CD86: variants seen among roughly 807,000 people sequenced by gnomAD.
CD86 encodes T-lymphocyte activation antigen CD86.
Under a neutral mutation model 32.1 loss-of-function variants are expected in CD86, and 11 were observed. The observed-to-expected ratio is 0.34, with a 90% CI of 0.22 to 0.57. The LOEUF is 0.57. CD86 is among the 20% of genes least tolerant of loss of function. The pLI is 0.86. For missense variants in CD86, 359 were observed against 398.4 expected (o/e 0.90, Z 0.84); for synonymous variants, 137 against 135.3 (o/e 1.01, Z -0.09).
intron 5 of CD86, among the ~76,000 whole-genome samples, chr3:122,117,361 A>G (rs1406338849): frequency 6.6e-6 from 1 of 152,246 alleles, no homozygotes; most frequent in East Asian, 1.9e-4. Flanking sequence ...TGCTCTATTT[A>G]GTAAAGACAG....
At chr3:122,072,121 G>A (rs939491556) in intron 1 of CD86, among the ~76,000 whole-genome samples, 4 of 150,114 alleles carry the variant, frequency 2.7e-5, no homozygotes, top group Admixed American at 2.7e-4. Flanking sequence ...TCTTAATCCA[G>A]TCTATCATTG....
chr3:122,102,483 C>T (rs971114243), intron 2 of CD86, among the ~76,000 whole-genome samples: 7 of 148,584 alleles, frequency 4.7e-5, no homozygotes, highest in Admixed American at 2.0e-4. Context: ...ACACAAACCC[C>T]GTGATCATTC....
intron 1 of CD86, among the ~76,000 whole-genome samples, chr3:122,063,499 A>T (rs2072367670): frequency 6.6e-6 from 1 of 152,202 alleles, no homozygotes; most frequent in Non-Finnish European, 1.5e-5. Context: ...AAGACAACAT[A>T]AGGCTACATA....
intron 1 of CD86, among the ~76,000 whole-genome samples, chr3:122,078,527 G>C (rs1029211693): frequency 6.6e-6 from 1 of 152,052 alleles, no homozygotes; most frequent in African/African-American, 2.4e-5. Flanking sequence ...TCCCTTCTCT[G>C]GTCCAGAGAC....
chr3:122,095,804 T>A (rs1343228617), intron 2 of CD86, among the ~76,000 whole-genome samples: 2 of 152,118 alleles, frequency 1.3e-5, no homozygotes, highest in Non-Finnish European at 2.9e-5. Context: ...GTTGATTGTT[T>A]CAGGAGGGCT....
chr3:122,105,107 T>G (rs1452736613), intron 3 of CD86, among the ~76,000 whole-genome samples: 2 of 152,360 alleles, frequency 1.3e-5, no homozygotes, highest in South Asian at 2.1e-4. Context: ...GCTTTAGGAA[T>G]AGTTAACCAA....
chr3:122,088,158 G>A (rs2072754798), intron 1 of CD86, among the ~76,000 whole-genome samples: 1 of 150,484 alleles, frequency 6.6e-6, no homozygotes, highest in Non-Finnish European at 1.5e-5. Flanking sequence ...CATATTAGGT[G>A]GGAGTTCAGA....
chr3:122,101,156 A>C (rs2072993126), intron 2 of CD86, among the ~76,000 whole-genome samples: 1 of 152,046 alleles, frequency 6.6e-6, no homozygotes. Context: ...GATGGAAAAA[A>C]AATTTTCATG....
At chr3:122,113,947 C>A (rs1202695027) in intron 5 of CD86, among the ~76,000 whole-genome samples, 1 of 152,108 alleles carries the variant, frequency 6.6e-6, no homozygotes, top group East Asian at 1.9e-4. Flanking sequence ...AGAGACTTTT[C>A]TAACAATTAA....
chr3:122,063,419 T>A (rs1312108969), intron 1 of CD86, among the ~76,000 whole-genome samples: 1 of 152,056 alleles, frequency 6.6e-6, no homozygotes, highest in African/African-American at 2.4e-5. Flanking sequence ...AAAATAAGAA[T>A]CAACCTAAAT....
chr3:122,105,492 G>A lies in CD86; in HGVS notation c.401-706G>A, dbSNP rs148273008. ...GGATTTTTTCTGACAGAAGGCACATGACACAGGTCTAGGGACTCCATGCCA... is the reference window on the plus strand; with the variant it reads ...GGATTTTTTCTGACAGAAGGCACATAACACAGGTCTAGGGACTCCATGCCA... On this transcript the variant is annotated intron_variant, in intron 3 of 6. Transcript: ENST00000330540. 1.5e-3 allele frequency among the ~76,000 whole-genome samples: 222 copies of A among 152,274 alleles called. 1 individual carries two copies. The highest frequency in any genetic ancestry group is 2.1e-3 in the Non-Finnish European group (140 of 68,018).
intron 6 of CD86, among the ~76,000 whole-genome samples, chr3:122,118,959 T>C (rs778086874): frequency 1.4e-4 from 22 of 152,096 alleles, no homozygotes; most frequent in Non-Finnish European, 2.4e-4. Context: ...TGCATACCCA[T>C]AGGATCAAAG....
chr3:122,092,200 C>G (rs565410227), intron 2 of CD86: 3 of 152,646 alleles, frequency 2.0e-5, no homozygotes, highest in African/African-American at 7.2e-5. Context: ...TATGGATGTT[C>G]AGCTAATTGT....
chr3:122,089,449 T>G (rs1257810674), intron 1 of CD86, among the ~76,000 whole-genome samples: 1 of 152,216 alleles, frequency 6.6e-6, no homozygotes, highest in African/African-American at 2.4e-5. Flanking sequence ...AGCACTCTTG[T>G]GTTGATCAGA....
intron 2 of CD86, among the ~76,000 whole-genome samples, chr3:122,101,913 G>A (rs1399125363): frequency 1.3e-5 from 2 of 151,918 alleles, no homozygotes; most frequent in Non-Finnish European, 2.9e-5. Context: ...CTCCAATACC[G>A]GTACGCATCC....
intron 1 of CD86, among the ~76,000 whole-genome samples, chr3:122,080,428 A>T (rs1471976930): frequency 1.3e-5 from 2 of 152,284 alleles, no homozygotes; most frequent in South Asian, 4.1e-4. Flanking sequence ...GGGACCGGAA[A>T]AGCTAAATGC....
intron 5 of CD86, among the ~76,000 whole-genome samples, chr3:122,110,885 C>T (rs2107545971): frequency 1.3e-5 from 2 of 152,216 alleles, no homozygotes; most frequent in South Asian, 4.1e-4. Flanking sequence ...CTAGATTTTT[C>T]TTCACATTAG....
chr3:122,101,513 A>AAAATATATAT (rs1202377219), intron 2 of CD86, among the ~76,000 whole-genome samples: 6 of 46,326 alleles, frequency 1.3e-4, no homozygotes, highest in African/African-American at 3.4e-4. Flanking sequence ...AAAAAAAAAA[A>AAAATATATAT]ATATATATAT....
chr3:122,106,655 C>G (rs71329259), intron 4 of CD86, among the ~76,000 whole-genome samples, 155 bp downstream of exon 4: 1 of 152,144 alleles, frequency 6.6e-6, no homozygotes, highest in Non-Finnish European at 1.5e-5. Flanking sequence ...CCTGCTTCTC[C>G]TGAGTGATGC....
Sources: gnomAD v4.1 joint callset for allele counts (sites outside exome capture counted in the v4.1 genomes callset) on GRCh38, gnomAD v4.1.1 for gene constraint, MANE v1.5 for transcripts, NCBI Gene and HGNC (gene_info 2026-07-23, HGNC 2026-07-21) for gene names.